Variants in CD53 observed in about 807,000 individuals in gnomAD.
The protein encoded by CD53 is CD53 molecule, also known as leukocyte surface antigen CD53.
CD53 carries 20 observed loss-of-function variants against 27.3 expected under a neutral mutation model. That is an observed-to-expected ratio of 0.73 (90% CI 0.52 to 1.07). The LOEUF is 1.07. Ranked by LOEUF, CD53 falls within the 50% of genes least tolerant of loss-of-function variation. CD53 has a pLI of 0.00. For synonymous variants in CD53, 106 were observed against 105.3 expected (o/e 1.01, Z -0.04); for missense variants, 216 against 264.0 (o/e 0.82, Z 1.26).
chr1:110,897,186 C>G (rs1242087576), intron 6 of CD53, among the ~76,000 whole-genome samples: 2 of 152,170 alleles, frequency 1.3e-5, no homozygotes, highest in African/African-American at 4.8e-5. Flanking sequence ...TTGAGGGAGA[C>G]AGAGTTAGTG....
chr1:110,894,345 A>C lies in CD53; in HGVS notation c.271A>C (p.Ile91Leu), dbSNP rs1394208603. The change falls in exon 4 of 8, where the codon ATT becomes CTT. Residue 91 changes from isoleucine to leucine, a missense_variant. Transcript: ENST00000271324. Reference sequence around the variant, plus strand: ...GTCCCAGTTCTTCATCCTGCTGCTGATTATCCTCCTTGCTGAGGTGACCTT... The same window carrying C: ...GTCCCAGTTCTTCATCCTGCTGCTGCTTATCCTCCTTGCTGAGGTGACCTT... Reference protein sequence around the residue: ...LLMSFFILLLIILLAEVTLAI... With the variant: ...LLMSFFILLLLILLAEVTLAI... 6.2e-7 allele frequency: 1 copy of C among 1,614,082 alleles called. No homozygotes were observed. The highest frequency in any genetic ancestry group is 1.7e-5 in the Admixed American group (1 of 60,014).
Position 110,897,821 on chromosome 1 carries a change from A to T in CD53, c.517A>T (p.Lys173Ter). ...AAATGTCTTCTAGGGTTGCTATGCG[A>T]AAGCAAGACTGTGGTTTCATTCCAA... is the stretch of plus-strand genomic sequence containing the variant. ...SDRKVEGCYA[K>*]ARLWFHSNFL... Residue 173 changes from lysine to a stop codon, truncating the protein, a stop_gained, in exon 7 of 8, where the codon AAA becomes TAA. Coordinates refer to ENST00000271324, the MANE Select transcript of CD53 (RefSeq NM_000560.4). LOFTEE classifies it high-confidence loss of function. 6.2e-7 allele frequency: 1 copy of T among 1,608,266 alleles called. No individual in the cohort carries two copies. The highest frequency in any genetic ancestry group is 8.5e-7 in the Non-Finnish European group (1 of 1,174,978).
chr1:110,887,220 C>G (rs1005083745), intron 1 of CD53, among the ~76,000 whole-genome samples: 1 of 152,000 alleles, frequency 6.6e-6, no homozygotes, highest in Non-Finnish European at 1.5e-5. Flanking sequence ...CCCACCACCA[C>G]GCCTGGCTAA....
Position 110,891,405 on chromosome 1 carries a change from C to T in CD53, c.-4C>T, listed in dbSNP as rs1279878590. 5.6e-6 allele frequency: 9 copies of T among 1,611,582 alleles called. No individual in the cohort carries two copies. The highest frequency in any genetic ancestry group is 1.1e-5 in the South Asian group (1 of 91,042). ...CTTATTCCTTAGGGCAAGAATATCA[C>T]GGCATGGGCATGAGTAGCTTGAAAC... is the stretch of plus-strand genomic sequence containing the variant. On this transcript the variant is annotated 5_prime_UTR_variant, in exon 2 of 8. It adds an upstream start codon to the 5' untranslated region. Coordinates refer to ENST00000271324, the MANE Select transcript of CD53 (RefSeq NM_000560.4).
At chr1:110,895,494 T>C (rs1482367991) in intron 5 of CD53, among the ~76,000 whole-genome samples, 11 of 152,100 alleles carry the variant, frequency 7.2e-5, no homozygotes, top group Admixed American at 5.9e-4. Flanking sequence ...ATGTACAGCA[T>C]ATACAAGCTC....
rs140620421 is a variant in CD53 at position 110,890,315 on chromosome 1, C to T, written c.-17-1077C>T. On this transcript the variant is annotated intron_variant, in intron 1 of 7. Coordinates refer to ENST00000271324, the MANE Select transcript of CD53 (RefSeq NM_000560.4). ...GGTGCGGTAGCTCATGCCTGTAATC[C>T]CAGCACTTTGGGAGGCCGAGGCAGG... 4.0e-3 allele frequency among the ~76,000 whole-genome samples: 614 copies of T among 152,246 alleles called. 7 individuals are homozygous for T. The highest frequency in any genetic ancestry group is 0.014 in the African/African-American group (585 of 41,532).
At chr1:110,875,486 C>T in intron 1 of CD53, among the ~76,000 whole-genome samples, 1 of 152,210 alleles carries the variant, frequency 6.6e-6, no homozygotes, top group Non-Finnish European at 1.5e-5. Flanking sequence ...TGTGAGGTTA[C>T]AGCCATTGTT....
chr1:110,877,523 C>G (rs1231281558), intron 1 of CD53, among the ~76,000 whole-genome samples: 1 of 152,178 alleles, frequency 6.6e-6, no homozygotes, highest in Non-Finnish European at 1.5e-5. Context: ...GAGTCCCTGT[C>G]CCACCTCAGC....
At position 110,882,659 on chromosome 1, in the gene CD53, T is replaced by C. The variant is rs78723806; in HGVS notation, c.-17-8733T>C. 9.7e-4 allele frequency among the ~76,000 whole-genome samples: 148 copies of C among 152,196 alleles called. 2 individuals are homozygous for C. The East Asian group carries it at 0.023, about 24-fold the overall frequency. On this transcript the variant is annotated intron_variant, in intron 1 of 7. Transcript: ENST00000271324. ...CAATCTATAGATAAATTTGGAAGAATTGACATCTTAAAAATATTGAATTCC... is the reference window on the plus strand; with the variant it reads ...CAATCTATAGATAAATTTGGAAGAACTGACATCTTAAAAATATTGAATTCC...
chr1:110,898,725 A>T (rs1657175602), intron 7 of CD53, among the ~76,000 whole-genome samples: 1 of 151,998 alleles, frequency 6.6e-6, no homozygotes, highest in Admixed American at 6.6e-5. Context: ...TGGGTATATC[A>T]TAGATTAGTT....
chr1:110,886,127 A>T (rs1453425466), intron 1 of CD53, among the ~76,000 whole-genome samples: 2 of 152,084 alleles, frequency 1.3e-5, no homozygotes, highest in Non-Finnish European at 2.9e-5. Flanking sequence ...TATTGGGTAT[A>T]GATTTTTAGT....
At chr1:110,873,481 G>C (rs914267511) in intron 1 of CD53, among the ~76,000 whole-genome samples, 1 of 152,148 alleles carries the variant, frequency 6.6e-6, no homozygotes, top group Non-Finnish European at 1.5e-5. Flanking sequence ...TCTCTGAGTC[G>C]AGGCATTCAC....
At chr1:110,873,522 T>C (rs1262748740) in intron 1 of CD53, among the ~76,000 whole-genome samples, 2 of 152,216 alleles carry the variant, frequency 1.3e-5, no homozygotes, top group Non-Finnish European at 2.9e-5. Context: ...CTTGAATTAC[T>C]CTGTGTAGTA....
intron 5 of CD53, among the ~76,000 whole-genome samples, chr1:110,895,913 C>A (rs1359833456): frequency 6.6e-6 from 1 of 152,126 alleles, no homozygotes; most frequent in African/African-American, 2.4e-5. Flanking sequence ...AAAAGAACTT[C>A]TTTTTAATAC....
intron 1 of CD53, among the ~76,000 whole-genome samples, chr1:110,880,623 A>T (rs775348078): frequency 1.3e-5 from 2 of 152,188 alleles, no homozygotes; most frequent in Non-Finnish European, 2.9e-5. Context: ...TGTCCAAAAC[A>T]TCAGTTTATT....
chr1:110,883,971 G>A (rs1002632732), intron 1 of CD53, among the ~76,000 whole-genome samples: 1 of 151,892 alleles, frequency 6.6e-6, no homozygotes, highest in East Asian at 1.9e-4. Flanking sequence ...TTCTAAAAGA[G>A]CCAACTTTTG....
intron 1 of CD53, among the ~76,000 whole-genome samples, chr1:110,884,036 A>C (rs1281444379): frequency 1.3e-5 from 2 of 151,944 alleles, no homozygotes; most frequent in Non-Finnish European, 2.9e-5. Flanking sequence ...TATCTTCATT[A>C]TCTACTTCCT....
In CD53 at chr1:110,899,530, C is replaced by T. The variant is rs1329474064; in HGVS notation, c.*335C>T. 4.7e-6 allele frequency: 1 copy of T among 214,690 alleles called. No homozygotes were observed. Among genetic ancestry groups the T allele is most frequent in the African/African-American group, 2.3e-5 (1 of 42,742 alleles). 13.3% of individuals were successfully genotyped at this position (214,690 alleles called of 1,614,324 possible). On this transcript the variant is annotated 3_prime_UTR_variant, in exon 8 of 8. Coordinates refer to ENST00000271324, the MANE Select transcript of CD53 (RefSeq NM_000560.4). ...CCCAGGATATGAATTTTTGCATCTTCCCATTGTCGAATTAGTCTCCAGCCT... is the reference window on the plus strand; with the variant it reads ...CCCAGGATATGAATTTTTGCATCTTTCCATTGTCGAATTAGTCTCCAGCCT...
chr1:110,898,945 C>T (rs1657185739), intron 7 of CD53, among the ~76,000 whole-genome samples, 179 bp from the exon 8 acceptor site: 1 of 152,178 alleles, frequency 6.6e-6, no homozygotes, highest in African/African-American at 2.4e-5. Flanking sequence ...CCCCGTTTCT[C>T]TCCTCACTGC....
Sources: gnomAD v4.1 joint callset for allele counts (sites outside exome capture counted in the v4.1 genomes callset) on GRCh38, gnomAD v4.1.1 for gene constraint, MANE v1.5 for transcripts, NCBI Gene and HGNC (gene_info 2026-07-23, HGNC 2026-07-21) for gene names.